Variants in SRSF7 observed in about 807,000 individuals in gnomAD.
SRSF7 encodes serine and arginine rich splicing factor 7.
A neutral mutation model predicts 42.2 loss-of-function variants in SRSF7; 15 were observed. The observed-to-expected ratio is 0.36, with a 90% CI of 0.24 to 0.55. SRSF7 has a LOEUF of 0.55. Among genes scored for constraint, SRSF7 ranks in the 20% least tolerant of loss-of-function variants. The pLI is 0.88. For missense variants in SRSF7, 181 were observed against 305.9 expected (o/e 0.59, Z 3.04); for synonymous variants, 138 against 107.9 (o/e 1.28, Z -1.73).
At chr2:38,748,883 G>A in intron 3 of SRSF7, 2 of 1,378,162 alleles carry the variant, frequency 1.5e-6, no homozygotes, top group Non-Finnish European at 1.9e-6. Context: ...ACTGTAATGT[G>A]TATTTAAAAT....
At chr2:38,746,540 G>C (rs1472809219) in intron 6 of SRSF7, among the ~76,000 whole-genome samples, 154 bp downstream of exon 6, 1 of 152,182 alleles carries the variant, frequency 6.6e-6, no homozygotes, top group East Asian at 1.9e-4. Context: ...AAGTCAGCCA[G>C]TAATAAATAG....
At chr2:38,748,532 T>G in intron 4 of SRSF7, 47 bp downstream of exon 4, 1 of 1,577,586 alleles carries the variant, frequency 6.3e-7, no homozygotes, top group Non-Finnish European at 8.7e-7. Context: ...GGACTACCAG[T>G]GAATTTAATA....
chr2:38,747,252 A>G, intron 5 of SRSF7: 3 of 322,962 alleles, frequency 9.3e-6, no homozygotes, highest in Non-Finnish European at 1.9e-5. Flanking sequence ...TATGTTTGAG[A>G]GCCATCAATC....
At chr2:38,751,133 C>A (rs1236831458) in intron 1 of SRSF7, 96 bp downstream of exon 1, 2 of 1,538,494 alleles carry the variant, frequency 1.3e-6, no homozygotes, top group African/African-American at 2.7e-5. Flanking sequence ...ATTACGCACG[C>A]GGAATAACCG....
At chr2:38,748,528 C>T (rs1667822168) in intron 4 of SRSF7, 51 bp downstream of exon 4, 1 of 1,554,298 alleles carries the variant, frequency 6.4e-7, no homozygotes, top group East Asian at 2.2e-5. Context: ...TGTTGGACTA[C>T]CAGTGAATTT....
In SRSF7 at chr2:38,750,212, TAGA is replaced by T; in HGVS notation, c.29-21_29-19del. The T allele has an allele frequency of 6.3e-7, 1 of 1,582,078 alleles. No homozygotes were observed. Among genetic ancestry groups the T allele is most frequent in the East Asian group, 2.3e-5 (1 of 44,284 alleles). On this transcript the variant is annotated intron_variant, in intron 1 of 7. Transcript: ENST00000313117. ...CTTGGTTTCTGTTTAAAAACGCAAA[TAGA>T]AGAATGCACGTTACGCAAAATCTGG...
Position 38,744,866 on chromosome 2 carries a change from G to A in SRSF7, c.*267C>T. ...ACTCTCAAATATATCAAATTAAGAA[G>A]TGTTAATATTGAACACAAATCAAAA... On this transcript the variant is annotated 3_prime_UTR_variant, in exon 8 of 8. Coordinates refer to ENST00000313117, the MANE Select transcript of SRSF7 (RefSeq NM_001031684.3). 2.4e-6 allele frequency: 1 copy of A among 414,116 alleles called. No homozygotes were observed. Among genetic ancestry groups the A allele is most frequent in the Admixed American group, 3.9e-5 (1 of 25,538 alleles). 25.7% of individuals were successfully genotyped at this position (414,116 alleles called of 1,614,324 possible). A position where few individuals can be genotyped will look rare whatever the true frequency, so the allele number is the denominator to read the frequency against.
Position 38,748,632 on chromosome 2 carries a change from A to G in SRSF7, c.408T>C (p.Ser136=). 1.2e-6 allele frequency: 2 copies of G among 1,614,180 alleles called. No individual in the cohort carries two copies. Among genetic ancestry groups the G allele is most frequent in the Non-Finnish European group, 1.7e-6 (2 of 1,180,010 alleles). Residue 136 remains serine (S), a synonymous_variant, in exon 4 of 8, where the codon TCT becomes TCC. Coordinates refer to ENST00000313117, the MANE Select transcript of SRSF7 (RefSeq NM_001031684.3). ...GAGAGTATCGCCTTCCTCTGGATCGAGAATGTGATCTAGACCGTGACCTAT... is the reference window on the plus strand; with the variant it reads ...GAGAGTATCGCCTTCCTCTGGATCGGGAATGTGATCTAGACCGTGACCTAT... ...RRSRSRSRSH[S]RSRGRRYSRS...
chr2:38,744,857 A>G lies in SRSF7; in HGVS notation c.*276T>C. 187 of 369,924 alleles carry G rather than the reference A, an allele frequency of 5.1e-4. 1 individual carries two copies. Among genetic ancestry groups the G allele is most frequent in the Middle Eastern group, 2.5e-3 (3 of 1,186 alleles). 22.9% of individuals were successfully genotyped at this position (369,924 alleles called of 1,614,324 possible). On this transcript the variant is annotated 3_prime_UTR_variant, in exon 8 of 8. Coordinates refer to ENST00000313117, the MANE Select transcript of SRSF7 (RefSeq NM_001031684.3). Reference sequence around the variant, plus strand: ...TAATGTCTGACTCTCAAATATATCAAATTAAGAAGTGTTAATATTGAACAC... The same window carrying G: ...TAATGTCTGACTCTCAAATATATCAGATTAAGAAGTGTTAATATTGAACAC...
Position 38,751,274 on chromosome 2 carries a change from C to A in SRSF7, c.-18G>T. The A allele has an allele frequency of 6.2e-7, 1 of 1,613,934 alleles. No homozygotes were observed. Among genetic ancestry groups the A allele is most frequent in the African/African-American group, 1.3e-5 (1 of 74,944 alleles). The stretch of plus-strand genomic sequence containing the variant: ...CGCGACATGATGACAGACCCGCGTG[C>A]TCGGCTCTTTAGCAAGCAGCGCCCA... On this transcript the variant is annotated 5_prime_UTR_variant, in exon 1 of 8. Coordinates refer to ENST00000313117, the MANE Select transcript of SRSF7 (RefSeq NM_001031684.3).
intron 3 of SRSF7, chr2:38,749,200 G>A: frequency 7.4e-7 from 1 of 1,342,718 alleles, no homozygotes; most frequent in Non-Finnish European, 9.9e-7. Flanking sequence ...GAAGCTAGGT[G>A]TAGATGACTC....
In SRSF7 at chr2:38,747,807, G is replaced by A. The variant is rs148486033; in HGVS notation, c.572+240C>T. On this transcript the variant is annotated intron_variant, in intron 5 of 7. Transcript: ENST00000313117. ...ACATGCCTACCCAGAGTGTTGAGTA[G>A]AACTGTATTGCTTGGGACCCTTGTC... Among the ~76,000 whole-genome samples the A allele has an allele frequency of 4.2e-3, 644 of 152,318 alleles. 7 individuals are homozygous for A. The highest frequency in any genetic ancestry group is 0.014 in the African/African-American group (589 of 41,564).
chr2:38,748,626 G>A lies in SRSF7; in HGVS notation c.414C>T (p.Ser138=). 6 of 1,614,002 alleles carry A rather than the reference G, an allele frequency of 3.7e-6. No homozygotes were observed. The highest frequency in any genetic ancestry group is 5.1e-6 in the Non-Finnish European group (6 of 1,180,014). Residue 138 remains serine (S), a synonymous_variant, in exon 4 of 8, where the codon TCC becomes TCT. Coordinates refer to ENST00000313117, the MANE Select transcript of SRSF7 (RefSeq NM_001031684.3). ...SRSRSRSHSR[S]RGRRYSRSRS... is the part of the protein sequence containing the mutation. The stretch of plus-strand genomic sequence containing the variant: ...GTGAGCGAGAGTATCGCCTTCCTCT[G>A]GATCGAGAATGTGATCTAGACCGTG...
At chr2:38,747,435 G>C (rs1007738416) in intron 5 of SRSF7, among the ~76,000 whole-genome samples, 2 of 151,996 alleles carry the variant, frequency 1.3e-5, no homozygotes, top group Non-Finnish European at 2.9e-5. Context: ...TTTTATCGTT[G>C]GTACAGATAA....
rs141398123 is a variant in SRSF7, at chr2:38,746,859, G to A, written c.573-112C>T. 1.5e-3 allele frequency: 2,293 copies of A among 1,524,042 alleles called. 12 individuals are homozygous for A. Among genetic ancestry groups the A allele is most frequent in the Middle Eastern group, 8.9e-3 (51 of 5,740 alleles). 94.4% of individuals were successfully genotyped at this position (1,524,042 alleles called of 1,614,324 possible). On this transcript the variant is annotated intron_variant, in intron 5 of 7. Transcript: ENST00000313117. Reference sequence around the variant, plus strand: ...GCATAAAGAAGCTAAAACTAAACAAGATGCAACACTTGCCTTATTCTGTCT... The same window carrying A: ...GCATAAAGAAGCTAAAACTAAACAAAATGCAACACTTGCCTTATTCTGTCT...
At position 38,744,465 on chromosome 2, in the gene SRSF7, G is replaced by A; in HGVS notation, c.*668C>T. 1 of 149,376 alleles carries A rather than the reference G, an allele frequency of 6.7e-6. No individual in the cohort carries two copies. Among genetic ancestry groups the A allele is most frequent in the Non-Finnish European group, 1.5e-5 (1 of 67,522 alleles). The allele number at this position is 149,376 out of a possible 1,614,324, so 9.3% of individuals were successfully genotyped here. On this transcript the variant is annotated 3_prime_UTR_variant, in exon 8 of 8. Coordinates refer to ENST00000313117, the MANE Select transcript of SRSF7 (RefSeq NM_001031684.3). Reference sequence around the variant, plus strand: ...TTAACACTATGCCACCTAGTAGCCTGAAAGCTGCAATTAGTATAAAGATCA... The same window carrying A: ...TTAACACTATGCCACCTAGTAGCCTAAAAGCTGCAATTAGTATAAAGATCA...
chr2:38,750,044 G>A lies in SRSF7; in HGVS notation c.179C>T (p.Ala60Val). The change falls in exon 2 of 8, where the codon GCA (alanine) becomes GTA (valine). Residue 60 changes from alanine (A) to valine (V), a missense_variant. Around this residue, in one of 2 missense-constraint regions of SRSF7, gnomAD observed 45 missense variants for 158.1 expected, o/e 0.28. Coordinates refer to ENST00000313117, the MANE Select transcript of SRSF7 (RefSeq NM_001031684.3). ...AFVEFEDPRDAEDAVRGLDGK... is the reference protein window; with the variant it reads ...AFVEFEDPRDVEDAVRGLDGK... ...ATCCAGTCCTCGTACTGCATCTTCT[G>A]CATCTCTAGGATCTTCGAATTCCAC... The A allele has an allele frequency of 6.2e-7, 1 of 1,613,212 alleles. No individual in the cohort carries two copies. The highest frequency in any genetic ancestry group is 8.5e-7 in the Non-Finnish European group (1 of 1,179,704).
chr2:38,751,379 C>A (rs1668350863), upstream of SRSF7: 6 of 1,354,764 alleles, frequency 4.4e-6, no homozygotes, highest in South Asian at 1.2e-5. Context: ...AGCCCGGGTT[C>A]GCGTTTATAT....
intron 1 of SRSF7, among the ~76,000 whole-genome samples, chr2:38,750,469 G>C (rs1241058963): frequency 1.3e-5 from 2 of 151,812 alleles, no homozygotes; most frequent in South Asian, 4.2e-4. Flanking sequence ...GCGTGGGGCG[G>C]AACCTGGCCC....
Sources: allele counts gnomAD v4.1 joint callset (sites outside exome capture counted in the v4.1 genomes callset), GRCh38; gene constraint gnomAD v4.1.1; regional missense constraint gnomAD v4.1.1; transcripts MANE v1.5; gene names NCBI Gene and HGNC (gene_info 2026-07-23, HGNC 2026-07-21).